SAMMSON: variants seen among roughly 807,000 people sequenced by gnomAD.
SAMMSON encodes survival associated mitochondrial melanoma specific oncogenic non-coding RNA.
At chr3:70,332,499 C>G (rs1181715710) in intron 7 of SAMMSON, among the ~76,000 whole-genome samples, 1 of 152,132 alleles carries the variant, frequency 6.6e-6, no homozygotes, top group African/African-American at 2.4e-5. Context: ...ACTGAGCTCA[C>G]CTCTTGGAAG....
intron 4 of SAMMSON, among the ~76,000 whole-genome samples, chr3:70,212,884 C>G (rs1701365103): frequency 6.6e-6 from 1 of 151,984 alleles, no homozygotes; most frequent in Non-Finnish European, 1.5e-5. Context: ...GCTTCAACCT[C>G]CCAGACTCAG....
At position 70,137,668 on chromosome 3, in the gene SAMMSON, G is replaced by A. The variant is rs968357379; in HGVS notation, n.507+66103G>A. 5 of 152,220 alleles carry A rather than the reference G, an allele frequency of 3.3e-5. No homozygotes were observed. The Middle Eastern group carries it at 0.01, about 311-fold the overall frequency. The allele number at this position is 152,220 out of a possible 1,614,324, so 9.4% of individuals were successfully genotyped here. On this transcript the variant is annotated intron_variant and non_coding_transcript_variant, in intron 4 of 9. Coordinates refer to ENST00000642114, the Ensembl canonical transcript of SAMMSON. ...TACAATGCAAACCAGAAGTGTAATTGTAAGTTTTCTAATGGCCACAGTTTT... is the reference window on the plus strand; with the variant it reads ...TACAATGCAAACCAGAAGTGTAATTATAAGTTTTCTAATGGCCACAGTTTT...
intron 2 of SAMMSON, among the ~76,000 whole-genome samples, chr3:70,423,126 GA>G (rs1245528691): frequency 6.6e-6 from 1 of 151,996 alleles, no homozygotes; most frequent in African/African-American, 2.4e-5. Flanking sequence ...ATGTGTACAT[GA>G]AAAAGGGGAG....
At chr3:70,274,555 C>G (rs1417144286) in intron 6 of SAMMSON, among the ~76,000 whole-genome samples, 1 of 152,100 alleles carries the variant, frequency 6.6e-6, no homozygotes, top group Non-Finnish European at 1.5e-5. Flanking sequence ...TGCATGCTCT[C>G]ACTTATAAGT....
At chr3:70,420,981 A>G (rs1701307063) in intron 2 of SAMMSON, among the ~76,000 whole-genome samples, 1 of 152,148 alleles carries the variant, frequency 6.6e-6, no homozygotes, top group Admixed American at 6.5e-5. Context: ...ATTGCTGTCT[A>G]AATTATGAAA....
intron 7 of SAMMSON, among the ~76,000 whole-genome samples, chr3:70,310,752 G>T (rs1336356690): frequency 6.6e-6 from 1 of 152,150 alleles, no homozygotes; most frequent in Non-Finnish European, 1.5e-5. Context: ...TGGAGGTGTT[G>T]ATTTCAACAC....
chr3:70,285,576 A>G (rs1702152863), intron 6 of SAMMSON, among the ~76,000 whole-genome samples: 1 of 151,898 alleles, frequency 6.6e-6, no homozygotes, highest in Non-Finnish European at 1.5e-5. Context: ...TATACCCAGT[A>G]ATGGGATGGC....
chr3:70,100,307 C>T (rs944325096), intron 4 of SAMMSON, among the ~76,000 whole-genome samples: 4 of 151,928 alleles, frequency 2.6e-5, no homozygotes, highest in Non-Finnish European at 4.4e-5. Context: ...CCATAACATC[C>T]GGCTAATTTT....
At chr3:70,423,902 G>A (rs1301602415) in intron 2 of SAMMSON, among the ~76,000 whole-genome samples, 2 of 152,130 alleles carry the variant, frequency 1.3e-5, no homozygotes, top group African/African-American at 4.8e-5. Flanking sequence ...AGTGGAGTGT[G>A]GGTCATCGTT....
At chr3:70,317,532 A>G (rs530489288) in intron 7 of SAMMSON, among the ~76,000 whole-genome samples, 1 of 151,860 alleles carries the variant, frequency 6.6e-6, no homozygotes, top group South Asian at 2.1e-4. Flanking sequence ...TTATTGTGAT[A>G]TTCACTCTGT....
intron 3 of SAMMSON, among the ~76,000 whole-genome samples, chr3:70,067,524 AG>A (rs1187851472): frequency 6.6e-6 from 1 of 152,052 alleles, no homozygotes; most frequent in Non-Finnish European, 1.5e-5. Flanking sequence ...TAAAGAAAGG[AG>A]GGTTGTCTGG....
At chr3:70,033,726 G>C (rs932159030) in intron 3 of SAMMSON, among the ~76,000 whole-genome samples, 7 of 152,118 alleles carry the variant, frequency 4.6e-5, no homozygotes, top group Non-Finnish European at 1.0e-4. Flanking sequence ...ATGAGGAAGA[G>C]GAGACTGCTT....
chr3:70,266,524 G>A (rs73102610), intron 6 of SAMMSON, among the ~76,000 whole-genome samples: 1 of 152,006 alleles, frequency 6.6e-6, no homozygotes, highest in Non-Finnish European at 1.5e-5. Flanking sequence ...AGGCTCAAGT[G>A]ATCCAGAGTC....
At chr3:70,306,165 G>A (rs113020290) in intron 7 of SAMMSON, among the ~76,000 whole-genome samples, 49 of 152,200 alleles carry the variant, frequency 3.2e-4, no homozygotes, top group Admixed American at 7.2e-4. Flanking sequence ...GTGCAATGGC[G>A]TGGTCTCAGC....
At chr3:70,093,872 T>C (rs2067313899) in intron 4 of SAMMSON, among the ~76,000 whole-genome samples, 1 of 152,184 alleles carries the variant, frequency 6.6e-6, no homozygotes, top group South Asian at 2.1e-4. Context: ...CCAAAGCTTT[T>C]TGATTCTTAA....
At chr3:70,008,221 C>T (rs369530324) in intron 1 of SAMMSON, among the ~76,000 whole-genome samples, 7 of 152,010 alleles carry the variant, frequency 4.6e-5, no homozygotes, top group East Asian at 3.9e-4. Context: ...CATTGAATCT[C>T]TAAATTACCT....
chr3:70,221,080 A>G (rs1356993482), intron 4 of SAMMSON, among the ~76,000 whole-genome samples: 4 of 152,194 alleles, frequency 2.6e-5, no homozygotes, highest in African/African-American at 9.6e-5. Context: ...AGCACTGGTG[A>G]AATATTTTCA....
intron 4 of SAMMSON, among the ~76,000 whole-genome samples, chr3:70,237,979 C>CTGTTTTTTTTTTTTTTT (rs1701627865): frequency 6.1e-5 from 3 of 48,942 alleles, no homozygotes; most frequent in African/African-American, 1.1e-4. Flanking sequence ...TGAGTGGTAT[C>CTGTTTTTTTTTTTTTTT]TTTTTTTTTT....
At chr3:70,375,237 G>T (rs1703003940) in intron 9 of SAMMSON, among the ~76,000 whole-genome samples, 2 of 151,896 alleles carry the variant, frequency 1.3e-5, no homozygotes, top group African/African-American at 4.8e-5. Context: ...CTAAATTATT[G>T]CATTTATGCT....
Sources: allele counts gnomAD v4.1 joint callset (sites outside exome capture counted in the v4.1 genomes callset), GRCh38; gene constraint gnomAD v4.1.1; transcripts MANE v1.5; gene names NCBI Gene and HGNC (gene_info 2026-07-23, HGNC 2026-07-21).